The following ZNRF1 variants were observed in gnomAD, a reference collection of about 807,000 sequenced individuals.
ZNRF1 encodes the protein E3 ubiquitin-protein ligase ZNRF1.
In ZNRF1, 3 loss-of-function variants were observed where a neutral mutation model predicts 18.4. That is an observed-to-expected ratio of 0.16 (90% CI 0.07 to 0.42). ZNRF1 has a LOEUF of 0.42. Ranked by LOEUF, ZNRF1 falls within the 10% of genes least tolerant of loss-of-function variation. The pLI, the probability that ZNRF1 is intolerant of heterozygous loss-of-function variation, is 0.99. For synonymous variants in ZNRF1, 157 were observed against 144.2 expected (o/e 1.09, Z -0.64); for missense variants, 310 against 329.8 (o/e 0.94, Z 0.47).
chr16:75,017,644 TA>T (rs1350975140), intron 1 of ZNRF1, among the ~76,000 whole-genome samples: 2 of 152,202 alleles, frequency 1.3e-5, no homozygotes, highest in Admixed American at 6.5e-5. Flanking sequence ...AGACTAGGCC[TA>T]AAACTGAGAT....
At chr16:75,058,263 C>T (rs111840701) in intron 1 of ZNRF1, among the ~76,000 whole-genome samples, 10 of 152,214 alleles carry the variant, frequency 6.6e-5, no homozygotes, top group African/African-American at 2.4e-4. Context: ...ACAATGGACG[C>T]TCCTTTGCTT....
intron 2 of ZNRF1, among the ~76,000 whole-genome samples, chr16:75,099,453 A>G (rs375897076): frequency 1.3e-5 from 2 of 150,352 alleles, no homozygotes; most frequent in African/African-American, 4.9e-5. Context: ...CGTGCTCGCC[A>G]TTCTGGTTTG....
At chr16:75,056,928 C>T (rs981008218) in intron 1 of ZNRF1, among the ~76,000 whole-genome samples, 1 of 151,770 alleles carries the variant, frequency 6.6e-6, no homozygotes, top group Admixed American at 6.6e-5. Flanking sequence ...TGAGCCACTG[C>T]GCCTGGTCAG....
At chr16:75,056,287 A>C (rs1200007880) in intron 1 of ZNRF1, among the ~76,000 whole-genome samples, 1 of 152,236 alleles carries the variant, frequency 6.6e-6, no homozygotes, top group Admixed American at 6.5e-5. Flanking sequence ...CTGTGTGTTC[A>C]TTCACATTTT....
At chr16:75,107,147 G>T (rs2036326482) in intron 4 of ZNRF1, 1 of 175,260 alleles carries the variant, frequency 5.7e-6, no homozygotes, top group African/African-American at 2.4e-5. Flanking sequence ...ACAGCACTGG[G>T]TGCTGACTCC....
chr16:75,029,627 T>C (rs2035273672), intron 1 of ZNRF1, among the ~76,000 whole-genome samples: 1 of 148,724 alleles, frequency 6.7e-6, no homozygotes, highest in African/African-American at 2.5e-5. Flanking sequence ...AAATTAGTCA[T>C]GCATGGTAGC....
chr16:75,057,542 A>T (rs1478793145), intron 1 of ZNRF1, among the ~76,000 whole-genome samples: 1 of 152,138 alleles, frequency 6.6e-6, no homozygotes, highest in African/African-American at 2.4e-5. Flanking sequence ...TAAATAAGGG[A>T]TTCATCTTCC....
In ZNRF1 at chr16:75,058,238, C is replaced by G. The variant is rs143297737; in HGVS notation, c.425-35334C>G. 7.9e-5 allele frequency among the ~76,000 whole-genome samples: 12 copies of G among 151,996 alleles called. No homozygotes were observed. The East Asian group carries it at 2.3e-3, about 29-fold the overall frequency. On this transcript the variant is annotated intron_variant, in intron 1 of 4. Coordinates refer to ENST00000335325, the MANE Select transcript of ZNRF1 (RefSeq NM_032268.5). ...TCCTCCCACCTCAGCCTGCCTGGGACTACAAGCATGTGCCACAATGGACGC... is the reference window on the plus strand; with the variant it reads ...TCCTCCCACCTCAGCCTGCCTGGGAGTACAAGCATGTGCCACAATGGACGC...
rs1415120453 is a variant in ZNRF1, at chr16:75,074,217, A to G, written c.425-19355A>G. ...TCCTGTATGGAGGCAGTGTGGTGCC[A>G]TGGAAGGAGGCGATGCAGTAGAGTC... On this transcript the variant is annotated intron_variant, in intron 1 of 4. Coordinates refer to ENST00000335325, the MANE Select transcript of ZNRF1 (RefSeq NM_032268.5). Among the ~76,000 whole-genome samples, 10 of 152,134 alleles carry G rather than the reference A, an allele frequency of 6.6e-5. No individual in the cohort carries two copies. In the South Asian group the frequency reaches 1.9e-3, roughly 28 times the overall value.
intron 2 of ZNRF1, among the ~76,000 whole-genome samples, chr16:75,093,931 C>A (rs896145696): frequency 2.0e-5 from 3 of 152,180 alleles, no homozygotes; most frequent in African/African-American, 7.2e-5. Flanking sequence ...CAGTTAGGCC[C>A]CTGCCTCTCT....
chr16:75,088,535 A>G (rs2036100710), intron 1 of ZNRF1, among the ~76,000 whole-genome samples: 1 of 152,230 alleles, frequency 6.6e-6, no homozygotes, highest in Admixed American at 6.5e-5. Flanking sequence ...TAGAAGGTTC[A>G]TAAATGAGTA....
chr16:75,004,508 A>G (rs146170615), intron 1 of ZNRF1, among the ~76,000 whole-genome samples: 150 of 152,336 alleles, frequency 9.8e-4, no homozygotes, highest in Non-Finnish European at 1.9e-3. Flanking sequence ...TCACCTTCTT[A>G]GTCATATGTG....
At position 75,107,914 on chromosome 16, in the gene ZNRF1, A is replaced by T. The variant is rs2036337151; in HGVS notation, c.*214A>T. ...TTGAGAGAAGAATGAATCAACTGCTATCCTTCCCCTCACCCCTCAGCCCAG... is the reference window on the plus strand; with the variant it reads ...TTGAGAGAAGAATGAATCAACTGCTTTCCTTCCCCTCACCCCTCAGCCCAG... On this transcript the variant is annotated 3_prime_UTR_variant, in exon 5 of 5. Transcript: ENST00000335325. The T allele has an allele frequency of 4.8e-6, 2 of 415,974 alleles. No homozygotes were observed. Among genetic ancestry groups the T allele is most frequent in the South Asian group, 3.4e-5 (2 of 59,162 alleles). 25.8% of individuals were successfully genotyped at this position (415,974 alleles called of 1,614,324 possible).
chr16:75,097,195 A>G (rs1277023942), intron 2 of ZNRF1, among the ~76,000 whole-genome samples: 3 of 152,158 alleles, frequency 2.0e-5, no homozygotes, highest in Non-Finnish European at 4.4e-5. Context: ...TACGCATTCA[A>G]ATTTTGACCC....
chr16:75,059,601 AC>A (rs552099107), intron 1 of ZNRF1, among the ~76,000 whole-genome samples: 92 of 152,114 alleles, frequency 6.0e-4, no homozygotes, highest in Admixed American at 1.7e-3. Context: ...TCTCGTAGGA[AC>A]CGGTTTTTCA....
At chr16:75,047,285 G>A (rs1378784816) in intron 1 of ZNRF1, among the ~76,000 whole-genome samples, 1 of 152,100 alleles carries the variant, frequency 6.6e-6, no homozygotes, top group African/African-American at 2.4e-5. Flanking sequence ...CAGTCTTCCT[G>A]CTTCAGCCTC....
chr16:75,066,017 TAGG>T (rs2035799033), intron 1 of ZNRF1, among the ~76,000 whole-genome samples: 1 of 151,970 alleles, frequency 6.6e-6, no homozygotes, highest in Non-Finnish European at 1.5e-5. Flanking sequence ...GAAGGGAAGG[TAGG>T]AGTGAGATGC....
At chr16:75,001,524 T>G (rs950376811) in intron 1 of ZNRF1, among the ~76,000 whole-genome samples, 1 of 152,226 alleles carries the variant, frequency 6.6e-6, no homozygotes, top group African/African-American at 2.4e-5. Flanking sequence ...TGCCTTTGGC[T>G]CTTTCAGGCA....
chr16:75,033,409 A>G (rs899021726), intron 1 of ZNRF1, among the ~76,000 whole-genome samples: 1 of 149,052 alleles, frequency 6.7e-6, no homozygotes, highest in Non-Finnish European at 1.5e-5. Flanking sequence ...TTTAAGTGCT[A>G]TTTAATTTTT....
Sources: allele counts gnomAD v4.1 joint callset (sites outside exome capture counted in the v4.1 genomes callset), GRCh38; gene constraint gnomAD v4.1.1; transcripts MANE v1.5; gene names NCBI Gene and HGNC (gene_info 2026-07-23, HGNC 2026-07-21).